The following DOCK10 variants were observed in gnomAD, a reference collection of about 807,000 sequenced individuals.
DOCK10 encodes the protein dedicator of cytokinesis 10.
A neutral mutation model predicts 280.1 loss-of-function variants in DOCK10; 145 were observed. The observed-to-expected ratio is 0.52, with a 90% CI of 0.45 to 0.59. The LOEUF is 0.59. DOCK10 is among the 20% of genes least tolerant of loss of function. The pLI, the probability that DOCK10 is intolerant of heterozygous loss-of-function variation, is 0.00. For missense variants in DOCK10, 2,368 were observed against 2,651.7 expected, an observed-to-expected ratio of 0.89 and a Z score of 2.35; for synonymous variants, 915 against 942.2, an observed-to-expected ratio of 0.97 and a Z score of 0.53.
chr2:224,936,077 A>T (rs770996963), intron 1 of DOCK10, among the ~76,000 whole-genome samples: 2 of 152,158 alleles, frequency 1.3e-5, no homozygotes, highest in African/African-American at 2.4e-5. Context: ...TCTTTCAGAG[A>T]ACTGTGTATG....
chr2:224,982,573 T>C, intron 1 of DOCK10: 1 of 1,178,732 alleles, frequency 8.5e-7, no homozygotes, highest in East Asian at 3.3e-5. Flanking sequence ...CTGAACACAC[T>C]CAGGAATATT....
At chr2:225,033,751 T>C (rs1690146987) in intron 1 of DOCK10, among the ~76,000 whole-genome samples, 2 of 152,040 alleles carry the variant, frequency 1.3e-5, no homozygotes, top group African/African-American at 4.8e-5. Flanking sequence ...TAAAGAACCA[T>C]CAACCTTCTT....
intron 13 of DOCK10, among the ~76,000 whole-genome samples, chr2:224,863,545 C>T (rs1010445956): frequency 1.3e-5 from 2 of 152,090 alleles, no homozygotes; most frequent in African/African-American, 4.8e-5. Flanking sequence ...CTCCGCCTCC[C>T]GGGTTCACGC....
chr2:224,780,747 A>G (rs1034619292), intron 50 of DOCK10, among the ~76,000 whole-genome samples: 4 of 152,044 alleles, frequency 2.6e-5, no homozygotes, highest in African/African-American at 9.7e-5. Flanking sequence ...TAAAAATACA[A>G]AAATTAGCTG....
chr2:224,890,337 C>T (rs1188316428), intron 4 of DOCK10, among the ~76,000 whole-genome samples: 2 of 152,132 alleles, frequency 1.3e-5, no homozygotes, highest in Non-Finnish European at 2.9e-5. Flanking sequence ...GCCTTTCAAA[C>T]TAGTAACGAT....
intron 1 of DOCK10, chr2:225,010,654 A>T (rs534978405): frequency 6.5e-6 from 1 of 154,430 alleles, no homozygotes; most frequent in South Asian, 2.0e-4. Flanking sequence ...TTCAAATAAG[A>T]CAGTTCATAC....
In DOCK10 at chr2:224,786,959, A is replaced by G; in HGVS notation, c.5655+63T>C. ...GGTACACACAGATGTCTCATAAAGA[A>G]TGAAAGACAACATTCAACTGCTCAG... On this transcript the variant is annotated intron_variant, in intron 50 of 55. Transcript: ENST00000258390. This position sits in a 1 kb window ranked among gnomAD's most constrained non-coding sequence, Gnocchi z 4.7. 8.3e-7 allele frequency: 1 copy of G among 1,211,936 alleles called. No homozygotes were observed. The highest frequency in any genetic ancestry group is 2.3e-5 in the East Asian group (1 of 43,048). 75.1% of individuals were successfully genotyped at this position (1,211,936 alleles called of 1,614,324 possible).
intron 2 of DOCK10, among the ~76,000 whole-genome samples, chr2:224,924,636 G>A (rs1048960136): frequency 1.3e-5 from 2 of 152,036 alleles, no homozygotes; most frequent in African/African-American, 2.4e-5. Flanking sequence ...CTCATTTTGG[G>A]GCTATTATGA....
chr2:224,787,826 T>C lies in DOCK10; in HGVS notation c.5419-429A>G, dbSNP rs374639231. 3.5e-3 allele frequency among the ~76,000 whole-genome samples: 531 copies of C among 152,320 alleles called. 3 individuals carry two copies. Among genetic ancestry groups the C allele is most frequent in the Non-Finnish European group, 5.7e-3 (386 of 68,034 alleles). The stretch of plus-strand genomic sequence containing the variant: ...GTAAACTGCTGTCCAAACTCTAGCA[T>C]GGCCTTCAAGAAGCTCCACAATCAG... On this transcript the variant is annotated intron_variant, in intron 48 of 55. Transcript: ENST00000258390.
Position 224,883,325 on chromosome 2 carries a change from A to G in DOCK10, c.747+2346T>C, listed in dbSNP as rs115458343. On this transcript the variant is annotated intron_variant, in intron 7 of 55. Coordinates refer to ENST00000258390, the MANE Select transcript of DOCK10 (RefSeq NM_014689.3). ...CCCACACCTGGGTGTAGTTTCTAGC[A>G]TGTCATAGGCACTAAGTGGGTTTGT... 3.2e-3 allele frequency among the ~76,000 whole-genome samples: 494 copies of G among 152,314 alleles called. 1 individual carries two copies. Among genetic ancestry groups the G allele is most frequent in the African/African-American group, 0.011 (452 of 41,566 alleles).
At chr2:224,934,876 T>C (rs940117462) in intron 1 of DOCK10, among the ~76,000 whole-genome samples, 2 of 152,226 alleles carry the variant, frequency 1.3e-5, no homozygotes, top group African/African-American at 4.8e-5. Context: ...AAATGAGTAA[T>C]GAATTTCATT....
chr2:225,019,289 G>A (rs552385901), intron 1 of DOCK10, among the ~76,000 whole-genome samples: 5 of 152,024 alleles, frequency 3.3e-5, no homozygotes, highest in East Asian at 1.9e-4. Flanking sequence ...TGATGTGTTC[G>A]TTTCCTGAAC....
intron 31 of DOCK10, 53 bp downstream of exon 31, chr2:224,814,267 T>A: frequency 9.0e-7 from 1 of 1,114,762 alleles, no homozygotes; most frequent in Non-Finnish European, 1.2e-6. Context: ...TAGTTGTCAA[T>A]ATTATTGGAT....
chr2:225,027,438 C>G (rs975250358), intron 1 of DOCK10, among the ~76,000 whole-genome samples: 2 of 152,146 alleles, frequency 1.3e-5, no homozygotes, highest in African/African-American at 4.8e-5. Context: ...ATCTATGTCC[C>G]CACCCAATTC....
chr2:224,799,003 G>C (rs1692787326), intron 41 of DOCK10, among the ~76,000 whole-genome samples: 1 of 152,122 alleles, frequency 6.6e-6, no homozygotes, highest in African/African-American at 2.4e-5. Context: ...GTTTTTAATA[G>C]TTTTATTGAA....
At chr2:224,902,168 T>C (rs962327312) in intron 3 of DOCK10, among the ~76,000 whole-genome samples, 3 of 152,224 alleles carry the variant, frequency 2.0e-5, no homozygotes, top group Non-Finnish European at 4.4e-5. Context: ...TCATGTTACA[T>C]ACCTCAAATA....
At chr2:225,021,216 TAACA>T (rs908633102) in intron 1 of DOCK10, among the ~76,000 whole-genome samples, 12 of 152,296 alleles carry the variant, frequency 7.9e-5, no homozygotes, top group African/African-American at 2.2e-4. Flanking sequence ...TTCAATTACA[TAACA>T]AACAAACAAA....
intron 24 of DOCK10, among the ~76,000 whole-genome samples, chr2:224,839,016 T>C (rs941588592): frequency 1.3e-5 from 2 of 152,120 alleles, no homozygotes; most frequent in Non-Finnish European, 2.9e-5. Context: ...CAATTACACT[T>C]TGGGCATTTA....
intron 3 of DOCK10, among the ~76,000 whole-genome samples, chr2:224,914,453 G>A (rs1159791056): frequency 6.6e-6 from 1 of 152,208 alleles, no homozygotes; most frequent in Non-Finnish European, 1.5e-5. Context: ...ACAACTTGAA[G>A]TAGAAAGTTT....
Sources: gnomAD v4.1 joint callset for allele counts (sites outside exome capture counted in the v4.1 genomes callset) on GRCh38, gnomAD v4.1.1 for gene constraint, Gnocchi (gnomAD v3.1) non-coding constraint, MANE v1.5 for transcripts, NCBI Gene and HGNC (gene_info 2026-07-23, HGNC 2026-07-21) for gene names.